The following ARHGEF28 variants were observed in gnomAD, a reference collection of about 807,000 sequenced individuals.
The protein encoded by ARHGEF28 is Rho guanine nucleotide exchange factor 28.
Under a neutral mutation model 206.6 loss-of-function variants are expected in ARHGEF28, and 152 were observed. The ratio of observed to expected loss-of-function variants is 0.74; its 90% CI spans 0.64 to 0.84. The LOEUF is 0.84. Ranked by LOEUF, ARHGEF28 falls within the 40% of genes least tolerant of loss-of-function variation. The pLI, the probability that ARHGEF28 is intolerant of heterozygous loss-of-function variation, is 0.00. For missense variants in ARHGEF28, 2,028 were observed against 2,073.2 expected (o/e 0.98, Z 0.42); for synonymous variants, 763 against 776.4 (o/e 0.98, Z 0.29).
intron 21 of ARHGEF28, among the ~76,000 whole-genome samples, chr5:73,871,634 C>T (rs111704143): frequency 4.6e-4 from 70 of 152,300 alleles, no homozygotes; most frequent in African/African-American, 1.6e-3. Context: ...TCAAAATTCA[C>T]TCCTTTACAA....
chr5:73,658,202 A>T (rs1188401100), intron 1 of ARHGEF28, among the ~76,000 whole-genome samples: 1 of 150,100 alleles, frequency 6.7e-6, no homozygotes, highest in East Asian at 2.0e-4. Context: ...CACCCTGCCC[A>T]CTCCTGGCAG....
chr5:73,796,066 A>G (rs1754787357), intron 9 of ARHGEF28, among the ~76,000 whole-genome samples: 2 of 152,118 alleles, frequency 1.3e-5, no homozygotes, highest in Non-Finnish European at 1.5e-5. Flanking sequence ...GGTACTCTCT[A>G]TTTCTTCAAG....
At chr5:73,832,712 G>C (rs1465479972) in intron 10 of ARHGEF28, among the ~76,000 whole-genome samples, 2 of 152,178 alleles carry the variant, frequency 1.3e-5, no homozygotes, top group Admixed American at 6.5e-5. Context: ...AATGGGAAGA[G>C]TGTGAGAGCT....
intron 13 of ARHGEF28, among the ~76,000 whole-genome samples, chr5:73,852,155 G>A (rs780280598): frequency 2.6e-5 from 4 of 152,172 alleles, no homozygotes; most frequent in Non-Finnish European, 5.9e-5. Context: ...GAGCCACAGA[G>A]CACATCTCTG....
At chr5:73,811,830 AAAATTAGCCGGG>A (rs1163110594) in intron 9 of ARHGEF28, among the ~76,000 whole-genome samples, 3 of 152,024 alleles carry the variant, frequency 2.0e-5, no homozygotes, top group African/African-American at 4.8e-5. Flanking sequence ...TAAAAATACA[AAAATTAGCCGGG>A]TGTGGTGGTG....
At chr5:73,831,844 G>A (rs1326086844) in intron 9 of ARHGEF28, among the ~76,000 whole-genome samples, 3 of 151,994 alleles carry the variant, frequency 2.0e-5, no homozygotes, top group East Asian at 1.9e-4. Flanking sequence ...GGCATGCGCC[G>A]CCATGCCCAG....
intron 11 of ARHGEF28, among the ~76,000 whole-genome samples, chr5:73,842,362 G>A (rs1758042576): frequency 6.6e-6 from 1 of 152,178 alleles, no homozygotes; most frequent in South Asian, 2.1e-4. Flanking sequence ...GGAGAGAAAG[G>A]TAGAGGAACC....
At chr5:73,913,161 T>TAAGAA (rs935521508) in intron 35 of ARHGEF28, among the ~76,000 whole-genome samples, 1 of 152,204 alleles carries the variant, frequency 6.6e-6, no homozygotes. Flanking sequence ...GAAATGTACT[T>TAAGAA]ACGCTTAAGA....
chr5:73,920,901 C>T (rs1040754261), intron 35 of ARHGEF28, among the ~76,000 whole-genome samples: 8 of 152,192 alleles, frequency 5.3e-5, no homozygotes, highest in South Asian at 2.1e-4. Flanking sequence ...GACACATTTA[C>T]GATTTAATTG....
chr5:73,920,618 C>T (rs945739254), intron 35 of ARHGEF28, among the ~76,000 whole-genome samples: 26 of 149,502 alleles, frequency 1.7e-4, no homozygotes, highest in African/African-American at 5.9e-4. Flanking sequence ...GGCGCTATCC[C>T]GGCTCACTGC....
At chr5:73,877,734 G>A (rs1760621093) in intron 22 of ARHGEF28, among the ~76,000 whole-genome samples, 1 of 151,368 alleles carries the variant, frequency 6.6e-6, no homozygotes, top group Non-Finnish European at 1.5e-5. Context: ...GAGTGGTTTT[G>A]AGTGAGTTTC....
At chr5:73,871,451 A>G (rs1025270835) in intron 21 of ARHGEF28, among the ~76,000 whole-genome samples, 1 of 152,210 alleles carries the variant, frequency 6.6e-6, no homozygotes, top group Admixed American at 6.5e-5. Context: ...TATTAAAGCT[A>G]TATTTAGACT....
At chr5:73,844,783 AAC>A (rs1491415361) in intron 11 of ARHGEF28, among the ~76,000 whole-genome samples, 157 of 149,990 alleles carry the variant, frequency 1.0e-3, no homozygotes, top group African/African-American at 3.6e-3. Context: ...AAAAAAAAAA[AAC>A]CACAAAACAC....
Position 73,753,162 on chromosome 5 carries a change from G to A in ARHGEF28, c.435G>A (p.Leu145=), listed in dbSNP as rs1157908116. 1.9e-6 allele frequency: 3 copies of A among 1,546,388 alleles called. No homozygotes were observed. The highest frequency in any genetic ancestry group is 2.6e-6 in the Non-Finnish European group (3 of 1,149,056). The part of the protein sequence containing the change: ...ELVLALTHLE[L]PLEWTVLGSS... ...TGCTGGCTCTGACCCATCTGGAATT[G>A]CCTCTAGAGTGGACTGTGTTGGGAA... Residue 145 remains leucine, a synonymous_variant, in exon 4 of 36, where the codon TTG becomes TTA. Coordinates refer to ENST00000513042, the MANE Select transcript of ARHGEF28 (RefSeq NM_001177693.2).
intron 1 of ARHGEF28, among the ~76,000 whole-genome samples, chr5:73,643,906 A>G (rs2112146759): frequency 6.6e-6 from 1 of 152,224 alleles, no homozygotes; most frequent in South Asian, 2.1e-4. Context: ...TATCTTTGTC[A>G]TCTAGATGTG....
intron 4 of ARHGEF28, among the ~76,000 whole-genome samples, chr5:73,773,613 G>A (rs1753360999): frequency 6.6e-6 from 1 of 152,158 alleles, no homozygotes; most frequent in Non-Finnish European, 1.5e-5. Flanking sequence ...GCAATGGGTG[G>A]AAAGAACACT....
At chr5:73,661,137 T>C (rs1319444773) in intron 1 of ARHGEF28, among the ~76,000 whole-genome samples, 2 of 152,266 alleles carry the variant, frequency 1.3e-5, no homozygotes, top group African/African-American at 4.8e-5. Context: ...TCAATGATCT[T>C]AGCCAGATTG....
intron 17 of ARHGEF28, 62 bp downstream of exon 17, chr5:73,864,934 G>T: frequency 1.4e-6 from 2 of 1,464,278 alleles, no homozygotes; most frequent in East Asian, 2.3e-5. Context: ...ATCTATTTGA[G>T]CTTTTACTCT....
intron 26 of ARHGEF28, among the ~76,000 whole-genome samples, chr5:73,889,651 A>G (rs1406879081): frequency 6.6e-6 from 1 of 152,270 alleles, no homozygotes; most frequent in African/African-American, 2.4e-5. Flanking sequence ...ACGGTGTAAC[A>G]ATACAGCTAA....
Sources: allele counts gnomAD v4.1 joint callset (sites outside exome capture counted in the v4.1 genomes callset), GRCh38; gene constraint gnomAD v4.1.1; transcripts MANE v1.5; gene names NCBI Gene and HGNC (gene_info 2026-07-23, HGNC 2026-07-21).